Variants in THSD7A observed in about 807,000 individuals in gnomAD.
THSD7A encodes thrombospondin type 1 domain containing 7A.
Under a neutral mutation model 231.3 loss-of-function variants are expected in THSD7A, and 96 were observed. The ratio of observed to expected loss-of-function variants is 0.41; its 90% CI spans 0.35 to 0.49. THSD7A has a LOEUF of 0.49. THSD7A is among the 20% of genes least tolerant of loss of function. The probability of loss-of-function intolerance (pLI) is 0.05; values close to 1 mark genes in which losing one functional copy is unlikely to be tolerated. For missense variants in THSD7A, 2,290 were observed against 2,070.2 expected, an observed-to-expected ratio of 1.11 and a Z score of -2.06; for synonymous variants, 940 against 743.3, an observed-to-expected ratio of 1.26 and a Z score of -4.30.
rs769058292 is a variant in THSD7A at position 11,636,497 on chromosome 7, G to C, written c.655C>G (p.Arg219Gly). Reference protein sequence around the residue: ...TCGSGLQHRTRHVVAPPQFGG... With the variant: ...TCGSGLQHRTGHVVAPPQFGG... ...AACTGCGGGGGCGCCACCACATGAC[G>C]CGTCCGGTGCTGGAGCCCGCTGCCG... is the stretch of plus-strand genomic sequence containing the variant. Residue 219 changes from arginine (R) to glycine (G), a missense_variant, in exon 2 of 28, where the codon CGT (arginine) becomes GGT (glycine). Coordinates refer to ENST00000423059, the MANE Select transcript of THSD7A (RefSeq NM_015204.3). The surrounding 1 kb of genome is among the most constrained non-coding windows in gnomAD (Gnocchi z 10.0). 1 of 1,613,714 alleles carries C rather than the reference G, an allele frequency of 6.2e-7. No individual in the cohort carries two copies. Among genetic ancestry groups the C allele is most frequent in the Non-Finnish European group, 8.5e-7 (1 of 1,179,844 alleles).
At chr7:11,623,398 T>A (rs1461650817) in intron 2 of THSD7A, among the ~76,000 whole-genome samples, 3 of 152,048 alleles carry the variant, frequency 2.0e-5, no homozygotes, top group African/African-American at 7.2e-5. Flanking sequence ...ATCTCTTGCG[T>A]CTTACCCTGT....
chr7:11,564,293 G>A (rs1481675587), intron 4 of THSD7A, among the ~76,000 whole-genome samples: 1 of 152,172 alleles, frequency 6.6e-6, no homozygotes, highest in Admixed American at 6.5e-5. Flanking sequence ...GAGTTATCAC[G>A]TGGACACTAA....
intron 1 of THSD7A, among the ~76,000 whole-genome samples, chr7:11,823,670 T>A (rs1562580846): frequency 6.6e-6 from 1 of 152,036 alleles, no homozygotes; most frequent in African/African-American, 2.4e-5. Context: ...AGATTATACA[T>A]GTCTTTAGTT....
chr7:11,539,293 A>G (rs988386263), intron 6 of THSD7A, among the ~76,000 whole-genome samples: 7 of 152,182 alleles, frequency 4.6e-5, no homozygotes, highest in Non-Finnish European at 1.0e-4. Flanking sequence ...GATTCATAAT[A>G]AAAAAATAAT....
At chr7:11,780,880 A>G (rs1783601894) in intron 1 of THSD7A, among the ~76,000 whole-genome samples, 1 of 150,354 alleles carries the variant, frequency 6.7e-6, no homozygotes, top group African/African-American at 2.4e-5. Context: ...AGTCCCAGCT[A>G]CTCGGGAGGC....
At chr7:11,707,374 C>A (rs985096477) in intron 1 of THSD7A, among the ~76,000 whole-genome samples, 3 of 151,048 alleles carry the variant, frequency 2.0e-5, no homozygotes, top group South Asian at 2.1e-4. Flanking sequence ...TACAGATCTT[C>A]TGTTTACCAT....
chr7:11,714,929 A>T (rs1460195195), intron 1 of THSD7A, among the ~76,000 whole-genome samples: 3 of 151,428 alleles, frequency 2.0e-5, no homozygotes, highest in Non-Finnish European at 4.4e-5. Flanking sequence ...ATAATCAAAT[A>T]AAAAAGAAGG....
intron 1 of THSD7A, among the ~76,000 whole-genome samples, chr7:11,717,188 G>A (rs761024984): frequency 1.3e-5 from 2 of 151,628 alleles, no homozygotes; most frequent in Non-Finnish European, 3.0e-5. Flanking sequence ...TTGCAGGAAC[G>A]CTATGAAAGC....
At chr7:11,711,161 A>G (rs144018770) in intron 1 of THSD7A, among the ~76,000 whole-genome samples, 112 of 151,030 alleles carry the variant, frequency 7.4e-4, no homozygotes, top group African/African-American at 2.7e-3. Context: ...AGAAATGAAA[A>G]TGTGCTTTAT....
intron 11 of THSD7A, among the ~76,000 whole-genome samples, chr7:11,456,592 T>C (rs776992113): frequency 2.0e-5 from 3 of 152,172 alleles, no homozygotes; most frequent in Admixed American, 6.6e-5. Context: ...ACTACATCAT[T>C]GGTTACATGG....
At chr7:11,447,643 G>A (rs773652181) in intron 11 of THSD7A, among the ~76,000 whole-genome samples, 3 of 152,064 alleles carry the variant, frequency 2.0e-5, no homozygotes, top group African/African-American at 2.4e-5. Flanking sequence ...TTGTGGCACA[G>A]AAAAGTGGAC....
chr7:11,807,602 C>A (rs1213835290), intron 1 of THSD7A, among the ~76,000 whole-genome samples: 1 of 152,060 alleles, frequency 6.6e-6, no homozygotes, highest in African/African-American at 2.4e-5. Context: ...TTTTAGTCTA[C>A]CCAAGTCCCA....
intron 6 of THSD7A, among the ~76,000 whole-genome samples, chr7:11,489,670 A>G (rs1225022448): frequency 6.6e-6 from 1 of 152,064 alleles, no homozygotes; most frequent in Non-Finnish European, 1.5e-5. Flanking sequence ...TGTGCTTGGC[A>G]TATCCCACTG....
chr7:11,394,135 C>G (rs894370349), intron 23 of THSD7A, among the ~76,000 whole-genome samples: 92 of 152,292 alleles, frequency 6.0e-4, no homozygotes, highest in African/African-American at 2.0e-3. Context: ...AGGTTACCCA[C>G]AAAGGGAAGC....
chr7:11,460,091 T>C (rs1299859909), intron 11 of THSD7A, among the ~76,000 whole-genome samples: 1 of 152,112 alleles, frequency 6.6e-6, no homozygotes, highest in Non-Finnish European at 1.5e-5. Flanking sequence ...TCATTACCCA[T>C]TTCTGCAAGA....
intron 6 of THSD7A, among the ~76,000 whole-genome samples, chr7:11,503,086 A>G (rs984045021): frequency 2.6e-5 from 4 of 152,198 alleles, no homozygotes; most frequent in Non-Finnish European, 4.4e-5. Context: ...AGTGACCAAA[A>G]CAGCATGGTA....
At chr7:11,526,241 C>A (rs1859218) in intron 6 of THSD7A, among the ~76,000 whole-genome samples, 38,139 of 152,136 alleles carry the variant, frequency 0.25, 6,068 homozygotes, top group Non-Finnish European at 0.35. Flanking sequence ...CAACTATTTG[C>A]AGCTTCCCAA....
chr7:11,810,289 A>ATC (rs1784496994), intron 1 of THSD7A, among the ~76,000 whole-genome samples: 1 of 152,126 alleles, frequency 6.6e-6, no homozygotes, highest in African/African-American at 2.4e-5. Context: ...ATGTCCCTTC[A>ATC]TCTCTCACCT....
chr7:11,696,054 A>G (rs566130105), intron 1 of THSD7A, among the ~76,000 whole-genome samples: 1 of 151,516 alleles, frequency 6.6e-6, no homozygotes. Flanking sequence ...AGATTTCTAC[A>G]CTGAGTTATT....
Sources: gnomAD v4.1 joint callset for allele counts (sites outside exome capture counted in the v4.1 genomes callset) on GRCh38, gnomAD v4.1.1 for gene constraint, Gnocchi (gnomAD v3.1) non-coding constraint, MANE v1.5 for transcripts, NCBI Gene and HGNC (gene_info 2026-07-23, HGNC 2026-07-21) for gene names.